Variants in SNTB2 observed in about 807,000 individuals in gnomAD.
The protein encoded by SNTB2 is beta-2-syntrophin.
Under a neutral mutation model 46.2 loss-of-function variants are expected in SNTB2, and 34 were observed. The observed-to-expected ratio is 0.74, with a 90% confidence interval of 0.56 to 0.98. The LOEUF (loss-of-function observed/expected upper bound fraction) is 0.98, where lower values mean the gene tolerates loss of function less well. SNTB2 is among the 50% of genes least tolerant of loss of function. SNTB2 has a pLI of 0.00. For missense variants in SNTB2, 603 were observed against 731.4 expected, an observed-to-expected ratio of 0.82 and a Z score of 2.02; for synonymous variants, 290 against 312.6, an observed-to-expected ratio of 0.93 and a Z score of 0.76.
At position 69,303,111 on chromosome 16, in the gene SNTB2, C is replaced by T. The variant is rs1164755068; in HGVS notation, c.*2187C>T. ...TGAACTCCCGACCTCAAGTGATCCACCTGCCTTGGCCTCCCAAAGTGCTGG... is the reference window on the plus strand; with the variant it reads ...TGAACTCCCGACCTCAAGTGATCCATCTGCCTTGGCCTCCCAAAGTGCTGG... On this transcript the variant is annotated 3_prime_UTR_variant, in exon 7 of 7. Coordinates refer to ENST00000336278, the MANE Select transcript of SNTB2 (RefSeq NM_006750.4). 6.6e-6 allele frequency: 1 copy of T among 152,196 alleles called. No homozygotes were observed. The highest frequency in any genetic ancestry group is 6.5e-5 in the Admixed American group (1 of 15,282). The allele number at this position is 152,196 out of a possible 1,614,324, so 9.4% of individuals were successfully genotyped here.
At chr16:69,272,889 C>CAAAAAA (rs34011617) in intron 4 of SNTB2, among the ~76,000 whole-genome samples, 1 of 80,720 alleles carries the variant, frequency 1.2e-5, no homozygotes. Flanking sequence ...GACTCTGTCT[C>CAAAAAA]AAAAAAAAAA....
intron 1 of SNTB2, among the ~76,000 whole-genome samples, chr16:69,195,545 G>A (rs1320609416): frequency 6.6e-6 from 1 of 151,862 alleles, no homozygotes; most frequent in Non-Finnish European, 1.5e-5. Flanking sequence ...TCCTGAGACC[G>A]GGGGTGGATC....
intron 1 of SNTB2, among the ~76,000 whole-genome samples, chr16:69,231,415 C>A (rs1488663377): frequency 1.3e-5 from 2 of 151,858 alleles, no homozygotes; most frequent in East Asian, 3.9e-4. Context: ...ATGGAGAAAC[C>A]CCGTCTCAAC....
Position 69,260,229 on chromosome 16 carries a change from A to T in SNTB2, c.974A>T (p.Glu325Val). The T allele has an allele frequency of 2.5e-6, 4 of 1,614,170 alleles. No homozygotes were observed. The highest frequency in any genetic ancestry group is 3.4e-6 in the Non-Finnish European group (4 of 1,180,026). Residue 325 changes from glutamate (E) to valine (V), a missense_variant, in exon 3 of 7, where the codon GAG (glutamate) becomes GTG (valine). By Grantham distance (121) the Glu-to-Val change is moderately radical (BLOSUM62 -2). Transcript: ENST00000336278. ...GATSTAGGSK[E>V]VKHIAWLAEQ... ...ACCAGTACAGCAGGAGGCAGTAAAGAGGTGAAGCATATTGCCTGGCTGGCA... is the reference window on the plus strand; with the variant it reads ...ACCAGTACAGCAGGAGGCAGTAAAGTGGTGAAGCATATTGCCTGGCTGGCA...
chr16:69,266,759 C>T (rs558948699), intron 3 of SNTB2, among the ~76,000 whole-genome samples: 15 of 152,264 alleles, frequency 9.9e-5, no homozygotes, highest in African/African-American at 3.4e-4. Flanking sequence ...CTCTGTTGCC[C>T]AGGCTGGAGT....
At chr16:69,247,791 A>G (rs933267095) in intron 2 of SNTB2, among the ~76,000 whole-genome samples, 3 of 152,174 alleles carry the variant, frequency 2.0e-5, no homozygotes, top group Non-Finnish European at 2.9e-5. Flanking sequence ...CCAAGCACAT[A>G]TAGTAGGTTC....
At chr16:69,212,617 G>A (rs753919850) in intron 1 of SNTB2, among the ~76,000 whole-genome samples, 1 of 151,894 alleles carries the variant, frequency 6.6e-6, no homozygotes. Context: ...GATTACAGGC[G>A]TGAGCCACCG....
intron 1 of SNTB2, among the ~76,000 whole-genome samples, chr16:69,217,089 CTG>C (rs1447654237): frequency 6.6e-6 from 1 of 152,164 alleles, no homozygotes; most frequent in Admixed American, 6.5e-5. Flanking sequence ...AGTGAAAAGA[CTG>C]TGGCCTGAAT....
chr16:69,264,303 A>G (rs1964864961), intron 3 of SNTB2, among the ~76,000 whole-genome samples: 1 of 152,194 alleles, frequency 6.6e-6, no homozygotes, highest in African/African-American at 2.4e-5. Flanking sequence ...ACCTGAAGAC[A>G]TGAGTGGTGA....
At chr16:69,229,287 A>G (rs1199666817) in intron 1 of SNTB2, among the ~76,000 whole-genome samples, 1 of 151,964 alleles carries the variant, frequency 6.6e-6, no homozygotes, top group Non-Finnish European at 1.5e-5. Flanking sequence ...CTCCCACTTC[A>G]GCCTCCTGGG....
intron 3 of SNTB2, among the ~76,000 whole-genome samples, chr16:69,267,108 A>G (rs1332524005): frequency 1.3e-5 from 2 of 151,508 alleles, no homozygotes; most frequent in Non-Finnish European, 2.9e-5. Context: ...GCTCACTGCA[A>G]CCTCTGCCTC....
intron 4 of SNTB2, among the ~76,000 whole-genome samples, chr16:69,283,613 G>GC: frequency 6.6e-6 from 1 of 152,250 alleles, no homozygotes; most frequent in African/African-American, 2.4e-5. Flanking sequence ...TCTTACAGAA[G>GC]CATATTTTTC....
chr16:69,240,753 A>T (rs1964603770), intron 1 of SNTB2: 1 of 152,256 alleles, frequency 6.6e-6, no homozygotes, highest in Admixed American at 6.5e-5. Context: ...TGATGTTTAT[A>T]AAAGAGGTTG....
At chr16:69,299,543 C>G in intron 5 of SNTB2, 47 bp from the exon 6 acceptor site, 1 of 1,572,218 alleles carries the variant, frequency 6.4e-7, no homozygotes, top group Non-Finnish European at 8.7e-7. Flanking sequence ...CACTTGATAA[C>G]TGACATAGCA....
rs1048475279 is a variant in SNTB2 at position 69,206,848 on chromosome 16, C to T, written c.580+19102C>T. 9.3e-5 allele frequency among the ~76,000 whole-genome samples: 14 copies of T among 150,526 alleles called. No homozygotes were observed. The East Asian group carries it at 1.4e-3, about 15-fold the overall frequency. On this transcript the variant is annotated intron_variant, in intron 1 of 6. Coordinates refer to ENST00000336278, the MANE Select transcript of SNTB2 (RefSeq NM_006750.4). ...TGGCGCAATCTCAGCTCACTGCAACCTCCACCTCCCAGGTTCAAGTGATTC... is the reference window on the plus strand; with the variant it reads ...TGGCGCAATCTCAGCTCACTGCAACTTCCACCTCCCAGGTTCAAGTGATTC...
intron 4 of SNTB2, among the ~76,000 whole-genome samples, chr16:69,280,482 G>A (rs1473485619): frequency 1.3e-5 from 2 of 151,460 alleles, no homozygotes; most frequent in African/African-American, 4.9e-5. Flanking sequence ...CGGCTGGCTG[G>A]GCGGGGGGCT....
intron 3 of SNTB2, among the ~76,000 whole-genome samples, chr16:69,263,850 T>C (rs1360977805): frequency 6.6e-6 from 1 of 152,112 alleles, no homozygotes; most frequent in Non-Finnish European, 1.5e-5. Flanking sequence ...TTTAGTGATA[T>C]ATACAAAATA....
In SNTB2 at chr16:69,303,074, C is replaced by G. The variant is rs1965289378; in HGVS notation, c.*2150C>G. 1 of 152,200 alleles carries G rather than the reference C, an allele frequency of 6.6e-6. No homozygotes were observed. The highest frequency in any genetic ancestry group is 1.5e-5 in the Non-Finnish European group (1 of 68,112). The allele number at this position is 152,200 out of a possible 1,614,324, so 9.4% of individuals were successfully genotyped here. A position where few individuals can be genotyped will look rare whatever the true frequency, so the allele number is the denominator to read the frequency against. On this transcript the variant is annotated 3_prime_UTR_variant, in exon 7 of 7. Transcript: ENST00000336278. ...TAGAGGCAGGTTTTCACCATGTTGGCTAGGCTGGTCTTGAACTCCCGACCT... is the reference window on the plus strand; with the variant it reads ...TAGAGGCAGGTTTTCACCATGTTGGGTAGGCTGGTCTTGAACTCCCGACCT...
intron 5 of SNTB2, among the ~76,000 whole-genome samples, chr16:69,289,453 C>CAAT (rs1965138866): frequency 6.6e-6 from 1 of 151,812 alleles, no homozygotes; most frequent in Non-Finnish European, 1.5e-5. Flanking sequence ...CTATAGTTAG[C>CAAT]AATAATGCAT....
Sources: allele counts gnomAD v4.1 joint callset (sites outside exome capture counted in the v4.1 genomes callset), GRCh38; gene constraint gnomAD v4.1.1; transcripts MANE v1.5; gene names NCBI Gene and HGNC (gene_info 2026-07-23, HGNC 2026-07-21).